Variants in FRMPD1 observed in about 807,000 individuals in gnomAD.
The protein encoded by FRMPD1 is FERM and PDZ domain containing 1.
In FRMPD1, 76 loss-of-function variants were observed where a neutral mutation model predicts 117.8. The ratio of observed to expected loss-of-function variants is 0.65; its 90% CI spans 0.54 to 0.78. FRMPD1 has a LOEUF of 0.78. Among genes scored for constraint, FRMPD1 ranks in the 30% least tolerant of loss-of-function variants. The pLI is 0.00. For synonymous variants in FRMPD1, 783 were observed against 770.4 expected (o/e 1.02, Z -0.27); for missense variants, 1,786 against 1,964.5 (o/e 0.91, Z 1.72).
rs879932382 is a variant in FRMPD1, at chr9:37,714,576, G to GTTTATTTTAT, written c.408+3220_408+3229dup. 3.5e-3 allele frequency among the ~76,000 whole-genome samples: 500 copies of GTTTATTTTAT among 144,606 alleles called. 4 individuals carry two copies. The highest frequency in any genetic ancestry group is 9.1e-3 in the African/African-American group (353 of 38,600). The allele number at this position is 144,606 out of a possible 152,430, so 94.9% of individuals were successfully genotyped here. On this transcript the variant is annotated intron_variant, in intron 5 of 15. Coordinates refer to ENST00000377765, the MANE Select transcript of FRMPD1 (RefSeq NM_014907.3). ...CTCTCACCAGAACTGCTCCGAAGAA[G>GTTTATTTTAT]TTTATTTTATTTTATTTTATTTTAT...
intron 2 of FRMPD1, among the ~76,000 whole-genome samples, chr9:37,701,843 C>G (rs767373932): frequency 1.3e-5 from 2 of 152,084 alleles, no homozygotes; most frequent in Non-Finnish European, 2.9e-5. Flanking sequence ...CAGTTAGCAG[C>G]CTAGTAGAAA....
At chr9:37,639,588 T>A in the FRMPD1 span, among the ~76,000 whole-genome samples, 31 of 152,170 alleles carry the variant, frequency 2.0e-4, no homozygotes, top group Non-Finnish European at 1.2e-4. Flanking sequence ...CATCTCTGTA[T>A]CCTTCGTAAC....
At chr9:37,630,373 T>C in the FRMPD1 span, among the ~76,000 whole-genome samples, 1 of 152,144 alleles carries the variant, frequency 6.6e-6, no homozygotes, top group Non-Finnish European at 1.5e-5. Flanking sequence ...GTTTCTTTTT[T>C]GCTTATTTAT....
In FRMPD1 at chr9:37,740,424, G is replaced by T. The variant is rs149203807; in HGVS notation, c.1896G>T (p.Ser632=). 4.8e-5 allele frequency: 77 copies of T among 1,613,982 alleles called. No individual in the cohort carries two copies. In the African/African-American group the frequency reaches 8.9e-4, roughly 19 times the overall value. ...SSRSTFFHFG[S]PGLAESIDSD... ...GGTCCACCTTCTTCCACTTTGGCTC[G>T]CCAGGCCTCGCAGAGAGCATTGACT... is the stretch of plus-strand genomic sequence containing the variant. Residue 632 remains serine, a synonymous_variant, in exon 15 of 16, where the codon TCG becomes TCT. Coordinates refer to ENST00000377765, the MANE Select transcript of FRMPD1 (RefSeq NM_014907.3). This position sits in a 1 kb window ranked among gnomAD's most constrained non-coding sequence, Gnocchi z 4.2.
At chr9:37,676,638 T>C (rs1821537685) in intron 1 of FRMPD1, among the ~76,000 whole-genome samples, 2 of 152,182 alleles carry the variant, frequency 1.3e-5, no homozygotes, top group South Asian at 4.1e-4. Context: ...GAATGCTTAA[T>C]TAGGGCTTAA....
intron 2 of FRMPD1, among the ~76,000 whole-genome samples, chr9:37,694,207 G>C (rs535908523): frequency 1.3e-5 from 2 of 152,302 alleles, no homozygotes; most frequent in Middle Eastern, 3.4e-3. Flanking sequence ...TCCATTAAAA[G>C]AGATTCTGTG....
At chr9:37,693,103 GA>G (rs1490583601) in intron 2 of FRMPD1, 1 of 183,154 alleles carries the variant, frequency 5.5e-6, no homozygotes, top group African/African-American at 2.4e-5. Context: ...ATCTCTCTCT[GA>G]CACACACACA....
rs185641006 is a variant in FRMPD1, at chr9:37,689,299, G to A, written c.-4-3339G>A. Among the ~76,000 whole-genome samples the A allele has an allele frequency of 8.6e-5, 13 of 152,032 alleles. No individual in the cohort carries two copies. In the East Asian group the frequency reaches 2.3e-3, roughly 27 times the overall value. ...ACATTATCATGACAATGTAAATATT[G>A]TTCATTGTTGAGCCAAGCAGTGAAC... is the stretch of plus-strand genomic sequence containing the variant. On this transcript the variant is annotated intron_variant, in intron 1 of 15. Transcript: ENST00000377765.
chr9:37,669,993 CAAAAA>C (rs199845153), intron 1 of FRMPD1: 8 of 127,938 alleles, frequency 6.3e-5, no homozygotes, highest in Non-Finnish European at 1.4e-4. Context: ...AACTCTCTCT[CAAAAA>C]AAAAAAAAGA....
chr9:37,723,775 C>T (rs1326237459), intron 6 of FRMPD1, among the ~76,000 whole-genome samples: 3 of 151,724 alleles, frequency 2.0e-5, no homozygotes, highest in African/African-American at 7.3e-5. Context: ...GGTGGATCAC[C>T]TGAGGTCAGG....
the FRMPD1 span, among the ~76,000 whole-genome samples, chr9:37,619,827 A>G: frequency 6.6e-6 from 1 of 151,666 alleles, no homozygotes; most frequent in Non-Finnish European, 1.5e-5. Flanking sequence ...CCTGCCGTAT[A>G]GTCTTGGTGG....
intron 7 of FRMPD1, among the ~76,000 whole-genome samples, chr9:37,728,298 A>G (rs1056870053): frequency 6.6e-6 from 1 of 152,202 alleles, no homozygotes; most frequent in African/African-American, 2.4e-5. Context: ...TTAATTGAAG[A>G]AAATAATATT....
the FRMPD1 span, among the ~76,000 whole-genome samples, chr9:37,637,921 ACGG>A: frequency 6.9e-6 from 1 of 144,574 alleles, no homozygotes; most frequent in Admixed American, 7.0e-5. Flanking sequence ...ACCCACAACA[ACGG>A]TGGGATTTTA....
chr9:37,706,790 C>G (rs1822720191), intron 2 of FRMPD1, among the ~76,000 whole-genome samples: 2 of 152,160 alleles, frequency 1.3e-5, no homozygotes, highest in Non-Finnish European at 2.9e-5. Flanking sequence ...AAGACAAAAT[C>G]TTGCTATAAA....
chr9:37,685,631 G>A (rs1292235650), intron 1 of FRMPD1, among the ~76,000 whole-genome samples: 6 of 151,758 alleles, frequency 4.0e-5, no homozygotes, highest in East Asian at 1.9e-4. Flanking sequence ...CAGCCTAGGC[G>A]AGAAAGCGAG....
chr9:37,632,515 C>T, the FRMPD1 span, among the ~76,000 whole-genome samples: 1 of 152,304 alleles, frequency 6.6e-6, no homozygotes, highest in Non-Finnish European at 1.5e-5. Flanking sequence ...TCTCAGTTTT[C>T]CTCTCTTCTG....
chr9:37,625,727 G>T, the FRMPD1 span, among the ~76,000 whole-genome samples: 1 of 152,236 alleles, frequency 6.6e-6, no homozygotes, highest in South Asian at 2.1e-4. Context: ...TGGGGTGGGC[G>T]TGGGGCAGGA....
chr9:37,654,986 CT>C (rs1277324624), intron 1 of FRMPD1, among the ~76,000 whole-genome samples: 1 of 152,176 alleles, frequency 6.6e-6, no homozygotes, highest in Non-Finnish European at 1.5e-5. Flanking sequence ...TCCCTCCCTC[CT>C]TCCCTGCCCC....
the FRMPD1 span, among the ~76,000 whole-genome samples, chr9:37,640,431 T>C: frequency 2.6e-5 from 4 of 152,264 alleles, no homozygotes; most frequent in Non-Finnish European, 5.9e-5. Context: ...GCTGCACTAA[T>C]GGACACATTA....
Sources: gnomAD v4.1 joint callset for allele counts (sites outside exome capture counted in the v4.1 genomes callset) on GRCh38, gnomAD v4.1.1 for gene constraint, Gnocchi (gnomAD v3.1) non-coding constraint, MANE v1.5 for transcripts, NCBI Gene and HGNC (gene_info 2026-07-23, HGNC 2026-07-21) for gene names.